LRRC4C: variants seen among roughly 807,000 people sequenced by gnomAD.
LRRC4C encodes leucine-rich repeat-containing protein 4C.
LRRC4C carries 5 observed loss-of-function variants against 33.6 expected under a neutral mutation model. The observed-to-expected ratio is 0.15, with a 90% CI of 0.08 to 0.31. The LOEUF (loss-of-function observed/expected upper bound fraction) is 0.31. LRRC4C is among the 10% of genes least tolerant of loss of function. LRRC4C has a pLI of 1.00. For missense variants in LRRC4C, 560 were observed against 796.7 expected (o/e 0.70, Z 3.58); for synonymous variants, 329 against 302.0 (o/e 1.09, Z -0.93).
At chr11:40,565,615 A>G (rs7948397) in intron 3 of LRRC4C, among the ~76,000 whole-genome samples, 23,525 of 152,064 alleles carry the variant, frequency 0.15, 2,146 homozygotes, top group Admixed American at 0.23. Flanking sequence ...GACAGTTGCG[A>G]CATCCAATTC....
At chr11:40,561,050 A>G (rs1296013130) in intron 3 of LRRC4C, among the ~76,000 whole-genome samples, 1 of 152,196 alleles carries the variant, frequency 6.6e-6, no homozygotes, top group African/African-American at 2.4e-5. Flanking sequence ...TGACAGTTTT[A>G]TCTTCATGAG....
At chr11:40,332,300 G>A (rs898356918) in intron 3 of LRRC4C, among the ~76,000 whole-genome samples, 1 of 152,024 alleles carries the variant, frequency 6.6e-6, no homozygotes, top group African/African-American at 2.4e-5. Context: ...CGCATCCCTT[G>A]GTTTGTGGCA....
At chr11:40,293,981 C>A in intron 4 of LRRC4C, 1 of 152,842 alleles carries the variant, frequency 6.5e-6, no homozygotes, top group Non-Finnish European at 1.5e-5. Context: ...AATAAATGCT[C>A]TCCCAGCACC....
chr11:40,259,806 T>C (rs1758015397), intron 4 of LRRC4C, among the ~76,000 whole-genome samples: 1 of 151,570 alleles, frequency 6.6e-6, no homozygotes, highest in Non-Finnish European at 1.5e-5. Flanking sequence ...GCTGTTTTGG[T>C]TACTGTAGCC....
chr11:41,337,505 G>T (rs1261836164), intron 1 of LRRC4C, among the ~76,000 whole-genome samples: 1 of 152,054 alleles, frequency 6.6e-6, no homozygotes, highest in African/African-American at 2.4e-5. Flanking sequence ...ACTGAAATTG[G>T]ACCCCTCCCT....
At chr11:40,698,167 A>G (rs1945674524) in intron 2 of LRRC4C, among the ~76,000 whole-genome samples, 1 of 152,086 alleles carries the variant, frequency 6.6e-6, no homozygotes, top group African/African-American at 2.4e-5. Flanking sequence ...TATCAAAACA[A>G]ATGAACATTT....
chr11:40,967,293 G>A (rs7947460), intron 1 of LRRC4C, among the ~76,000 whole-genome samples: 2,403 of 151,984 alleles, frequency 0.016, 65 homozygotes, highest in African/African-American at 0.055. Flanking sequence ...AGAACTAGGA[G>A]CATGAATAAA....
intron 1 of LRRC4C, among the ~76,000 whole-genome samples, chr11:41,210,390 CT>C (rs1459624323): frequency 1.3e-5 from 2 of 152,148 alleles, no homozygotes; most frequent in African/African-American, 2.4e-5. Context: ...GGGTTTTCTC[CT>C]TTCGTTTGCC....
At chr11:40,642,674 T>C (rs6485210) in intron 3 of LRRC4C, among the ~76,000 whole-genome samples, 100,886 of 152,120 alleles carry the variant, frequency 0.66, 33,752 homozygotes, top group African/African-American at 0.74. Flanking sequence ...AACACACAGA[T>C]CAATTTGTTA....
intron 3 of LRRC4C, among the ~76,000 whole-genome samples, chr11:40,367,689 T>C (rs1400061755): frequency 6.6e-6 from 1 of 152,136 alleles, no homozygotes; most frequent in Non-Finnish European, 1.5e-5. Context: ...TATGTCCTTC[T>C]TCAACACTTT....
At chr11:40,275,181 G>T (rs373479781) in intron 4 of LRRC4C, among the ~76,000 whole-genome samples, 1 of 152,226 alleles carries the variant, frequency 6.6e-6, no homozygotes, top group East Asian at 1.9e-4. Context: ...AATTATGTGA[G>T]AAATACACTG....
At chr11:40,170,257 T>G (rs1266284566) in intron 5 of LRRC4C, among the ~76,000 whole-genome samples, 1 of 152,254 alleles carries the variant, frequency 6.6e-6, no homozygotes, top group Non-Finnish European at 1.5e-5. Context: ...ACCCACTCCC[T>G]GCTTTGTTCT....
intron 2 of LRRC4C, among the ~76,000 whole-genome samples, chr11:40,742,190 T>C (rs1015493770): frequency 2.0e-5 from 3 of 151,992 alleles, no homozygotes; most frequent in African/African-American, 7.2e-5. Context: ...CTATACTGAA[T>C]GGTTTTCAAA....
At chr11:41,269,430 A>G (rs573130374) in intron 1 of LRRC4C, among the ~76,000 whole-genome samples, 33 of 152,168 alleles carry the variant, frequency 2.2e-4, no homozygotes. Flanking sequence ...GAGATTTCAC[A>G]AAAAGGACAG....
At chr11:41,326,623 G>A (rs1383368976) in intron 1 of LRRC4C, among the ~76,000 whole-genome samples, 1 of 152,156 alleles carries the variant, frequency 6.6e-6, no homozygotes, top group Non-Finnish European at 1.5e-5. Context: ...AATGAGTGAT[G>A]TAGATCTGAT....
intron 5 of LRRC4C, among the ~76,000 whole-genome samples, chr11:40,151,050 A>T (rs1858163939): frequency 6.6e-6 from 1 of 152,018 alleles, no homozygotes; most frequent in Admixed American, 6.5e-5. Context: ...GTGTCAAGGG[A>T]TCACCTCCAC....
rs181528300 is a variant in LRRC4C at position 40,845,989 on chromosome 11, G to A, written c.-407+87646C>T. Among the ~76,000 whole-genome samples, 174 of 149,182 alleles carry A rather than the reference G, an allele frequency of 1.2e-3. 1 individual carries two copies. The highest frequency in any genetic ancestry group is 4.0e-3 in the African/African-American group (164 of 40,698). Reference sequence around the variant, plus strand: ...GCATAAATGTCTTCTTTTGAGAAACGTCTGTTCAGATCCTTCACCCACTTT... The same window carrying A: ...GCATAAATGTCTTCTTTTGAGAAACATCTGTTCAGATCCTTCACCCACTTT... On this transcript the variant is annotated intron_variant, in intron 2 of 6. Coordinates refer to ENST00000528697, the MANE Select transcript of LRRC4C (RefSeq NM_001258419.2).
chr11:40,683,771 C>T (rs1463728198), intron 2 of LRRC4C, among the ~76,000 whole-genome samples: 1 of 152,096 alleles, frequency 6.6e-6, no homozygotes, highest in Non-Finnish European at 1.5e-5. Flanking sequence ...GCTTGACTTC[C>T]TCATAAAAAG....
chr11:40,840,109 A>G (rs552757284), intron 2 of LRRC4C, among the ~76,000 whole-genome samples: 5 of 152,312 alleles, frequency 3.3e-5, no homozygotes, highest in African/African-American at 7.2e-5. Flanking sequence ...TGTAACTTCT[A>G]TCGACTACCT....
Sources: gnomAD v4.1 joint callset for allele counts (sites outside exome capture counted in the v4.1 genomes callset) on GRCh38, gnomAD v4.1.1 for gene constraint, MANE v1.5 for transcripts, NCBI Gene and HGNC (gene_info 2026-07-23, HGNC 2026-07-21) for gene names.